PARD3: variants seen among roughly 807,000 people sequenced by gnomAD.
The protein encoded by PARD3 is par-3 family cell polarity regulator, also known as partitioning defective 3 homolog.
A neutral mutation model predicts 155.4 loss-of-function variants in PARD3; 75 were observed. That is an observed-to-expected ratio of 0.48 (90% CI 0.40 to 0.58). The LOEUF is 0.58. Among genes scored for constraint, PARD3 ranks in the 20% least tolerant of loss-of-function variants. The pLI is 0.00. For synonymous variants in PARD3, 576 were observed against 610.5 expected, an observed-to-expected ratio of 0.94 and a Z score of 0.83; for missense variants, 1,642 against 1,721.7, an observed-to-expected ratio of 0.95 and a Z score of 0.82.
chr10:34,736,330 C>CTTTTTTTT (rs564413627), intron 1 of PARD3, among the ~76,000 whole-genome samples: 15 of 128,430 alleles, frequency 1.2e-4, no homozygotes, highest in Non-Finnish European at 2.0e-4. Context: ...GCGCCTGGCC[C>CTTTTTTTT]TTTTTTTTTT....
chr10:34,487,505 A>C lies in PARD3; in HGVS notation c.404-17242T>G, dbSNP rs991038899. Among the ~76,000 whole-genome samples the C allele has an allele frequency of 4.6e-5, 7 of 152,172 alleles. No individual in the cohort carries two copies. The East Asian group carries it at 1.2e-3, about 25-fold the overall frequency. ...CAAGTATTGAAAGGGCAATCTCTGT[A>C]GCAAAGAAACAATTACAGATGTTGG... On this transcript the variant is annotated intron_variant, in intron 3 of 24. Coordinates refer to ENST00000374788, the MANE Select transcript of PARD3 (RefSeq NM_001184785.2).
chr10:34,254,504 T>C (rs947995630), intron 22 of PARD3, among the ~76,000 whole-genome samples: 1 of 151,932 alleles, frequency 6.6e-6, no homozygotes, highest in East Asian at 1.9e-4. Flanking sequence ...AAAATAGTGA[T>C]GAAAGGTGAG....
chr10:34,396,971 A>G (rs977221481), intron 7 of PARD3, among the ~76,000 whole-genome samples: 1 of 152,196 alleles, frequency 6.6e-6, no homozygotes, highest in African/African-American at 2.4e-5. Context: ...AGCACCTATT[A>G]TATAACTATA....
At chr10:34,667,634 G>A (rs190803368) in intron 2 of PARD3, among the ~76,000 whole-genome samples, 5 of 152,314 alleles carry the variant, frequency 3.3e-5, no homozygotes, top group Admixed American at 6.5e-5. Flanking sequence ...TTTGCTAGAT[G>A]ATTCTAAGCA....
Position 34,519,961 on chromosome 10 carries a change from A to C in PARD3, c.223-2802T>G, listed in dbSNP as rs116064443. On this transcript the variant is annotated intron_variant, in intron 2 of 24. Coordinates refer to ENST00000374788, the MANE Select transcript of PARD3 (RefSeq NM_001184785.2). ...CTGCCACCTTGGAGCTTCACCCTTC[A>C]ATCCCACACCTAGCAACTCAGCTTA... Among the ~76,000 whole-genome samples the C allele has an allele frequency of 7.8e-3, 1,184 of 152,238 alleles. 17 individuals carry two copies. The highest frequency in any genetic ancestry group is 0.027 in the African/African-American group (1,141 of 41,548).
intron 2 of PARD3, among the ~76,000 whole-genome samples, chr10:34,640,734 A>AT (rs1590360555): frequency 1.4e-5 from 2 of 145,256 alleles, no homozygotes; most frequent in East Asian, 3.9e-4. Context: ...AAAAAAAAAA[A>AT]AAGCACTTTT....
At chr10:34,221,291 G>A (rs1162093435) in intron 22 of PARD3, among the ~76,000 whole-genome samples, 2 of 151,984 alleles carry the variant, frequency 1.3e-5, no homozygotes, top group Non-Finnish European at 2.9e-5. Flanking sequence ...GACACCCTAT[G>A]AGCGCAAGCT....
intron 8 of PARD3, among the ~76,000 whole-genome samples, chr10:34,383,390 T>TACACTCACAC (rs1554843960): frequency 8.0e-5 from 12 of 150,148 alleles, no homozygotes; most frequent in African/African-American, 2.9e-4. Flanking sequence ...ATTTTTAAAA[T>TACACTCACAC]ACACACACAC....
intron 2 of PARD3, among the ~76,000 whole-genome samples, chr10:34,646,233 T>G (rs952066520): frequency 6.6e-6 from 1 of 152,212 alleles, no homozygotes; most frequent in Non-Finnish European, 1.5e-5. Context: ...TAAGCATTTT[T>G]TTGTAATCGT....
At chr10:34,140,183 A>C (rs1458728709) in intron 22 of PARD3, among the ~76,000 whole-genome samples, 2 of 152,144 alleles carry the variant, frequency 1.3e-5, no homozygotes, top group African/African-American at 4.8e-5. Flanking sequence ...AATCCTAGAT[A>C]AAAACATTGA....
intron 12 of PARD3, among the ~76,000 whole-genome samples, chr10:34,361,671 C>T (rs1362015965): frequency 1.3e-5 from 2 of 152,092 alleles, no homozygotes; most frequent in Non-Finnish European, 2.9e-5. Flanking sequence ...AAGCAATATG[C>T]TATTTATAAA....
At chr10:34,716,059 A>G (rs564629881) in intron 1 of PARD3, among the ~76,000 whole-genome samples, 2 of 152,370 alleles carry the variant, frequency 1.3e-5, no homozygotes, top group South Asian at 4.1e-4. Flanking sequence ...GGAGAATTTT[A>G]AAGTACGGGC....
At chr10:34,465,732 T>C (rs1236523593) in intron 4 of PARD3, among the ~76,000 whole-genome samples, 1 of 152,138 alleles carries the variant, frequency 6.6e-6, no homozygotes, top group African/African-American at 2.4e-5. Flanking sequence ...GGGGGAAATA[T>C]CATTTACAAA....
intron 2 of PARD3, among the ~76,000 whole-genome samples, chr10:34,582,512 C>T (rs1370844230): frequency 6.6e-6 from 1 of 152,196 alleles, no homozygotes; most frequent in African/African-American, 2.4e-5. Context: ...CTTCAGGTAT[C>T]GCTTTTATTG....
chr10:34,265,199 T>C (rs770013900), intron 22 of PARD3, among the ~76,000 whole-genome samples: 1 of 152,230 alleles, frequency 6.6e-6, no homozygotes, highest in Non-Finnish European at 1.5e-5. Flanking sequence ...ACTGTGACTA[T>C]AGCCTACAGT....
At chr10:34,344,979 A>T (rs1564610069) in intron 15 of PARD3, 1 of 985,292 alleles carries the variant, frequency 1.0e-6, no homozygotes, top group Non-Finnish European at 1.2e-6. Context: ...GCTTTCAAAG[A>T]TTTAACGTCT....
At chr10:34,207,669 T>C (rs1315329179) in intron 22 of PARD3, among the ~76,000 whole-genome samples, 1 of 152,144 alleles carries the variant, frequency 6.6e-6, no homozygotes, top group East Asian at 1.9e-4. Context: ...TTTTTACAAA[T>C]CCCCAAAACC....
intron 2 of PARD3, among the ~76,000 whole-genome samples, chr10:34,608,827 C>T (rs2090668457): frequency 6.6e-6 from 1 of 152,118 alleles, no homozygotes; most frequent in Non-Finnish European, 1.5e-5. Context: ...AGCCACCGCA[C>T]CCAGCCTACA....
chr10:34,666,450 G>A (rs1235210215), intron 2 of PARD3, among the ~76,000 whole-genome samples: 1 of 151,966 alleles, frequency 6.6e-6, no homozygotes, highest in African/African-American at 2.4e-5. Context: ...AGTTAATTCA[G>A]TATTACCACT....
Sources: gnomAD v4.1 joint callset for allele counts (sites outside exome capture counted in the v4.1 genomes callset) on GRCh38, gnomAD v4.1.1 for gene constraint, MANE v1.5 for transcripts, NCBI Gene and HGNC (gene_info 2026-07-23, HGNC 2026-07-21) for gene names.